Variants in EDN1 observed in about 807,000 individuals in gnomAD.
EDN1 encodes the protein endothelin-1.
A neutral mutation model predicts 21.7 loss-of-function variants in EDN1; 11 were observed. The ratio of observed to expected loss-of-function variants is 0.51; its 90% CI spans 0.32 to 0.84. The LOEUF is 0.84. Ranked by LOEUF, EDN1 falls within the 40% of genes least tolerant of loss-of-function variation. The pLI is 0.03. For missense variants in EDN1, 244 were observed against 262.3 expected, an observed-to-expected ratio of 0.93 and a Z score of 0.48; for synonymous variants, 85 against 90.6, an observed-to-expected ratio of 0.94 and a Z score of 0.35.
chr6:12,243,256 G>GCTT, the EDN1 span, among the ~76,000 whole-genome samples: 16 of 148,650 alleles, frequency 1.1e-4, no homozygotes, highest in Admixed American at 6.9e-4. Context: ...ATCTTAAAGG[G>GCTT]CTTCATCCGT....
the EDN1 span, among the ~76,000 whole-genome samples, chr6:12,238,129 G>T: frequency 7.2e-6 from 1 of 139,400 alleles, no homozygotes; most frequent in Non-Finnish European, 1.5e-5. Context: ...TTGAGATGGC[G>T]CCACTGCACT....
At chr6:12,278,829 G>A in the EDN1 span, among the ~76,000 whole-genome samples, 25,112 of 151,906 alleles carry the variant, frequency 0.17, 2,222 homozygotes, top group South Asian at 0.32. Flanking sequence ...CCCTGGAGGC[G>A]GAGGCTGCAG....
the EDN1 span, among the ~76,000 whole-genome samples, chr6:12,249,430 G>C: frequency 6.6e-6 from 1 of 151,474 alleles, no homozygotes. Context: ...AATATTGATT[G>C]GTTGATTTCT....
chr6:12,290,906 T>C (rs1181808089), intron 1 of EDN1, among the ~76,000 whole-genome samples: 1 of 151,500 alleles, frequency 6.6e-6, no homozygotes, highest in Non-Finnish European at 1.5e-5. Flanking sequence ...CAATTGACTA[T>C]AACATGACAT....
rs1012129822 is a variant in EDN1 at position 12,290,454 on chromosome 6, C to T, written c.-176C>T. Reference sequence around the variant, plus strand: ...CGCGTGCGCCTGCAGACGCTCCGCTCGCTGCCTTCTCTCCTGGCAGGCGCT... The same window carrying T: ...CGCGTGCGCCTGCAGACGCTCCGCTTGCTGCCTTCTCTCCTGGCAGGCGCT... On this transcript the variant is annotated 5_prime_UTR_variant, in exon 1 of 5. Transcript: ENST00000379375. The T allele has an allele frequency of 1.3e-5, 8 of 629,334 alleles. No individual in the cohort carries two copies. The highest frequency in any genetic ancestry group is 1.1e-4 in the Admixed American group (4 of 37,638). The allele number at this position is 629,334 out of a possible 1,614,324, so 39.0% of individuals were successfully genotyped here. A position where few individuals can be genotyped will look rare whatever the true frequency, so the allele number is the denominator to read the frequency against.
chr6:12,262,870 T>TA, the EDN1 span, among the ~76,000 whole-genome samples: 3 of 130,190 alleles, frequency 2.3e-5, no homozygotes, highest in Admixed American at 2.3e-4. Flanking sequence ...AAAACCCTGT[T>TA]TAAAAAAAAA....
the EDN1 span, among the ~76,000 whole-genome samples, chr6:12,268,951 T>C: frequency 2.0e-5 from 3 of 152,290 alleles, no homozygotes; most frequent in African/African-American, 7.2e-5. Context: ...TATTAATTCT[T>C]CCAATCCACG....
At chr6:12,249,808 G>A in the EDN1 span, among the ~76,000 whole-genome samples, 1 of 151,956 alleles carries the variant, frequency 6.6e-6, no homozygotes, top group Non-Finnish European at 1.5e-5. Flanking sequence ...TGTGATTTAC[G>A]ACAGTCCTAC....
the EDN1 span, among the ~76,000 whole-genome samples, chr6:12,254,303 G>A: frequency 1.3e-5 from 2 of 152,050 alleles, no homozygotes; most frequent in Admixed American, 6.6e-5. Flanking sequence ...CTCTTCTTCC[G>A]TCTCCCTTTG....
the EDN1 span, among the ~76,000 whole-genome samples, chr6:12,265,636 C>T: frequency 6.6e-6 from 1 of 152,236 alleles, no homozygotes; most frequent in Non-Finnish European, 1.5e-5. Flanking sequence ...AGAAAGTACA[C>T]TCTGTTGTTG....
chr6:12,266,339 AT>A, the EDN1 span, among the ~76,000 whole-genome samples: 1 of 152,190 alleles, frequency 6.6e-6, no homozygotes, highest in Non-Finnish European at 1.5e-5. Flanking sequence ...TCAAAATGGA[AT>A]GTCAGGTGTG....
the EDN1 span, among the ~76,000 whole-genome samples, chr6:12,240,303 G>A: frequency 6.6e-6 from 1 of 152,234 alleles, no homozygotes; most frequent in African/African-American, 2.4e-5. Flanking sequence ...AAAACCCACA[G>A]GCGGCAGTGA....
In EDN1 at chr6:12,297,160, G is replaced by T. The variant is rs1762845704; in HGVS notation, c.*1093G>T. 1 of 152,146 alleles carries T rather than the reference G, an allele frequency of 6.6e-6. No individual in the cohort carries two copies. The highest frequency in any genetic ancestry group is 6.5e-5 in the Admixed American group (1 of 15,278). The allele number at this position is 152,146 out of a possible 1,614,324, so 9.4% of individuals were successfully genotyped here. ...GCTTTGTTTTGCCTGTCAAGGTAAT[G>T]ACTTTAGAAAATAAATATTTTTTTC... On this transcript the variant is annotated 3_prime_UTR_variant, in exon 5 of 5. Coordinates refer to ENST00000379375, the MANE Select transcript of EDN1 (RefSeq NM_001955.5).
the EDN1 span, among the ~76,000 whole-genome samples, chr6:12,255,774 T>C: frequency 6.6e-6 from 1 of 152,236 alleles, no homozygotes; most frequent in Admixed American, 6.5e-5. Context: ...CCCTATAACA[T>C]CTTCATTTTT....
At chr6:12,233,401 G>A in the EDN1 span, among the ~76,000 whole-genome samples, 29 of 152,184 alleles carry the variant, frequency 1.9e-4, 1 homozygote, top group African/African-American at 6.5e-4. Context: ...TAGTCTACCC[G>A]CCTTCTTCCT....
the EDN1 span, among the ~76,000 whole-genome samples, chr6:12,273,173 C>T: frequency 1.3e-5 from 2 of 152,186 alleles, no homozygotes; most frequent in Admixed American, 1.3e-4. Flanking sequence ...CAGAGGAGGC[C>T]TCCCCAGGAA....
the EDN1 span, among the ~76,000 whole-genome samples, chr6:12,264,425 G>A: frequency 6.6e-6 from 1 of 152,162 alleles, no homozygotes; most frequent in Admixed American, 6.5e-5. Flanking sequence ...AAAATAATAG[G>A]AGCAGATATA....
At position 12,296,200 on chromosome 6, in the gene EDN1, C is replaced by A; in HGVS notation, c.*133C>A. 1 of 812,394 alleles carries A rather than the reference C, an allele frequency of 1.2e-6. No individual in the cohort carries two copies. The highest frequency in any genetic ancestry group is 1.9e-5 in the Admixed American group (1 of 52,744). The allele number at this position is 812,394 out of a possible 1,614,324, so 50.3% of individuals were successfully genotyped here. ...TCCTGACTGGCAAAGGACCAGCGTC[C>A]TCGTTCAAAACATTCCAAGAAAGGT... is the stretch of plus-strand genomic sequence containing the variant. On this transcript the variant is annotated 3_prime_UTR_variant, in exon 5 of 5. Coordinates refer to ENST00000379375, the MANE Select transcript of EDN1 (RefSeq NM_001955.5).
the EDN1 span, among the ~76,000 whole-genome samples, chr6:12,267,716 G>GT: frequency 6.6e-6 from 1 of 152,296 alleles, no homozygotes; most frequent in East Asian, 1.9e-4. Context: ...GGGGAAGGTG[G>GT]TTGCACTAAA....
Sources: allele counts gnomAD v4.1 joint callset (sites outside exome capture counted in the v4.1 genomes callset), GRCh38; gene constraint gnomAD v4.1.1; transcripts MANE v1.5; gene names NCBI Gene and HGNC (gene_info 2026-07-23, HGNC 2026-07-21).